Variants in KCNIP2 observed in about 807,000 individuals in gnomAD.
KCNIP2 encodes the protein A-type potassium channel modulatory protein KCNIP2.
A neutral mutation model predicts 39.0 loss-of-function variants in KCNIP2; 19 were observed. The ratio of observed to expected loss-of-function variants is 0.49; its 90% CI spans 0.34 to 0.71. The LOEUF is 0.71. KCNIP2 is among the 30% of genes least tolerant of loss of function. The pLI, the probability that KCNIP2 is intolerant of heterozygous loss-of-function variation, is 0.01. For synonymous variants in KCNIP2, 111 were observed against 131.2 expected (o/e 0.85, Z 1.05); for missense variants, 261 against 346.0 (o/e 0.75, Z 1.95).
chr10:101,832,086 G>GC (rs2066007889), intron 1 of KCNIP2, among the ~76,000 whole-genome samples: 4 of 152,168 alleles, frequency 2.6e-5, no homozygotes, highest in African/African-American at 9.7e-5. Context: ...CTAAACTGTG[G>GC]CCCCTTCACA....
intron 2 of KCNIP2, among the ~76,000 whole-genome samples, 162 bp downstream of exon 2, chr10:101,830,910 G>A (rs547731886): frequency 4.3e-5 from 6 of 138,440 alleles, no homozygotes; most frequent in Non-Finnish European, 6.2e-5. Flanking sequence ...GCCTGGGGCA[G>A]GCCCCACCCC....
chr10:101,827,599 G>A lies in KCNIP2; in HGVS notation c.765+90C>T, dbSNP rs2065784488. 2.8e-6 allele frequency: 4 copies of A among 1,448,684 alleles called. No individual in the cohort carries two copies. In the African/African-American group the frequency reaches 5.6e-5, roughly 20 times the overall value. The allele number at this position is 1,448,684 out of a possible 1,614,324, so 89.7% of individuals were successfully genotyped here. Reference sequence around the variant, plus strand: ...TTGAAATATGGGGGTGAGGTGGGAAGGTGGTATTCTTCCCAAAGAAGCTTT... The same window carrying A: ...TTGAAATATGGGGGTGAGGTGGGAAAGTGGTATTCTTCCCAAAGAAGCTTT... On this transcript the variant is annotated intron_variant, in intron 9 of 9. Coordinates refer to ENST00000356640, the MANE Select transcript of KCNIP2 (RefSeq NM_173191.3).
At chr10:101,840,393 G>A (rs2066294502) in intron 1 of KCNIP2, among the ~76,000 whole-genome samples, 1 of 151,988 alleles carries the variant, frequency 6.6e-6, no homozygotes, top group South Asian at 2.1e-4. Flanking sequence ...TGGCAAAGAA[G>A]AGGCAGCAGA....
chr10:101,843,731 C>T lies in KCNIP2; in HGVS notation c.-163G>A, dbSNP rs964900741. Reference sequence around the variant, plus strand: ...ATGGGCCCGGGGTCTGAGGTCTACCCGGAGGTCCTGGAGCAGGAGAGGGAA... The same window carrying T: ...ATGGGCCCGGGGTCTGAGGTCTACCTGGAGGTCCTGGAGCAGGAGAGGGAA... On this transcript the variant is annotated 5_prime_UTR_variant, in exon 1 of 10. Transcript: ENST00000356640. The surrounding 1 kb of genome is among the most constrained non-coding windows in gnomAD (Gnocchi z 6.7). 17 of 421,496 alleles carry T rather than the reference C, an allele frequency of 4.0e-5. No individual in the cohort carries two copies. Among genetic ancestry groups the T allele is most frequent in the African/African-American group, 3.5e-4 (17 of 48,176 alleles). The allele number at this position is 421,496 out of a possible 1,614,324, so 26.1% of individuals were successfully genotyped here. A position where few individuals can be genotyped will look rare whatever the true frequency, so the allele number is the denominator to read the frequency against.
At chr10:101,840,572 G>A (rs1297792647) in intron 1 of KCNIP2, among the ~76,000 whole-genome samples, 3 of 45,136 alleles carry the variant, frequency 6.6e-5, no homozygotes, top group Non-Finnish European at 1.3e-4. Context: ...CTTCGGTCCC[G>A]CTGCGCCCCT....
chr10:101,830,220 T>A (rs551534018), intron 2 of KCNIP2, among the ~76,000 whole-genome samples: 4 of 152,226 alleles, frequency 2.6e-5, no homozygotes, highest in East Asian at 3.9e-4. Flanking sequence ...AATGGAGACC[T>A]AGAGACAAAG....
intron 1 of KCNIP2, among the ~76,000 whole-genome samples, chr10:101,841,518 G>A (rs1055997779): frequency 3.3e-5 from 5 of 152,180 alleles, no homozygotes; most frequent in Admixed American, 3.3e-4. Context: ...TTTCCAAGTC[G>A]TGTGTGGAGC....
At chr10:101,830,749 G>A (rs2065952408) in intron 2 of KCNIP2, among the ~76,000 whole-genome samples, 1 of 133,972 alleles carries the variant, frequency 7.5e-6, no homozygotes, top group African/African-American at 2.9e-5. Context: ...CCACACGCAG[G>A]CGTGCGGCAC....
At chr10:101,832,296 C>CTG (rs57005983) in intron 1 of KCNIP2, among the ~76,000 whole-genome samples, 9,342 of 139,912 alleles carry the variant, frequency 0.067, 333 homozygotes, top group South Asian at 0.081. Flanking sequence ...CTCAGTGTTA[C>CTG]TGTGTGTGTG....
chr10:101,828,982 T>C lies in KCNIP2; in HGVS notation c.348+93A>G, dbSNP rs2065858396. ...GCCTTGCCTCCCTTCCGCCCACACC[T>C]CAAGCATCCAAGCCATGCTTTCTGG... On this transcript the variant is annotated intron_variant, in intron 4 of 9. Transcript: ENST00000356640. The surrounding 1 kb of genome is among the most constrained non-coding windows in gnomAD (Gnocchi z 6.6). 1.5e-5 allele frequency: 23 copies of C among 1,558,804 alleles called. No individual in the cohort carries two copies. The South Asian group carries it at 2.8e-4, about 19-fold the overall frequency.
intron 1 of KCNIP2, 57 bp from the exon 2 acceptor site, chr10:101,831,224 C>A: frequency 7.8e-7 from 1 of 1,277,952 alleles, no homozygotes; most frequent in South Asian, 1.4e-5. Context: ...CCTCTGTTCC[C>A]TGTCCCCTCC....
In KCNIP2 at chr10:101,843,691, A is replaced by C; in HGVS notation, c.-123T>G. 1 of 493,434 alleles carries C rather than the reference A, an allele frequency of 2.0e-6. No homozygotes were observed. The highest frequency in any genetic ancestry group is 3.5e-6 in the Non-Finnish European group (1 of 286,178). 30.6% of individuals were successfully genotyped at this position (493,434 alleles called of 1,614,324 possible). A position where few individuals can be genotyped will look rare whatever the true frequency, so the allele number is the denominator to read the frequency against. On this transcript the variant is annotated 5_prime_UTR_variant, in exon 1 of 10. Coordinates refer to ENST00000356640, the MANE Select transcript of KCNIP2 (RefSeq NM_173191.3). The surrounding 1 kb of genome is among the most constrained non-coding windows in gnomAD (Gnocchi z 6.7). The stretch of plus-strand genomic sequence containing the variant: ...GTCGGGGCTGGGGAAGTCCGGGCTG[A>C]GGCTGAGTCTGGGAATGGGCCCGGG...
In KCNIP2 at chr10:101,840,201, C is replaced by T. The variant is rs370170548; in HGVS notation, c.73+3295G>A. Among the ~76,000 whole-genome samples the T allele has an allele frequency of 7.2e-5, 11 of 152,006 alleles. No individual in the cohort carries two copies. In the South Asian group the frequency reaches 2.3e-3, roughly 32 times the overall value. ...GGGAATGAACCGTATCTTTTATTGC[C>T]CCCTTTCAGCCCCCCTTTCTCCGCC... On this transcript the variant is annotated intron_variant, in intron 1 of 9. Coordinates refer to ENST00000356640, the MANE Select transcript of KCNIP2 (RefSeq NM_173191.3).
At chr10:101,827,426 G>T (rs1270368589) in intron 9 of KCNIP2, 26 bp from the exon 10 acceptor site, 2 of 1,594,206 alleles carry the variant, frequency 1.3e-6, no homozygotes. Context: ...GAGCGAGGCA[G>T]ATTGAAGAGA....
At chr10:101,832,764 C>A (rs1295460949) in intron 1 of KCNIP2, among the ~76,000 whole-genome samples, 1 of 152,182 alleles carries the variant, frequency 6.6e-6, no homozygotes, top group Non-Finnish European at 1.5e-5. Context: ...TCCTGCCCCC[C>A]ACCCCAGCCC....
intron 9 of KCNIP2, 58 bp downstream of exon 9, chr10:101,827,631 C>T: frequency 6.3e-7 from 1 of 1,588,276 alleles, no homozygotes; most frequent in Non-Finnish European, 8.6e-7. Flanking sequence ...CTTTTCCCTG[C>T]ATTACTAAAT....
chr10:101,828,268 A>T lies in KCNIP2; in HGVS notation c.490-10T>A. 6.2e-7 allele frequency: 1 copy of T among 1,613,644 alleles called. No individual in the cohort carries two copies. Among genetic ancestry groups the T allele is most frequent in the South Asian group, 1.1e-5 (1 of 91,072 alleles). On this transcript the variant is annotated splice_polypyrimidine_tract_variant and intron_variant, in intron 6 of 9. Coordinates refer to ENST00000356640, the MANE Select transcript of KCNIP2 (RefSeq NM_173191.3). The surrounding 1 kb of genome is among the most constrained non-coding windows in gnomAD (Gnocchi z 6.6). ...AACCAGCCACAAAGTCCTGGGAAGG[A>T]GGCAGGAGGGAGCTGTGTCCTCGGG... is the stretch of plus-strand genomic sequence containing the variant.
rs146587125 is a variant in KCNIP2 at position 101,835,427 on chromosome 10, G to C, written c.74-4260C>G. Among the ~76,000 whole-genome samples the C allele has an allele frequency of 2.6e-5, 4 of 152,216 alleles. No individual in the cohort carries two copies. In the East Asian group the frequency reaches 7.7e-4, roughly 29 times the overall value. On this transcript the variant is annotated intron_variant, in intron 1 of 9. Coordinates refer to ENST00000356640, the MANE Select transcript of KCNIP2 (RefSeq NM_173191.3). Reference sequence around the variant, plus strand: ...GAGGGGACTTACTGCAGCTGCCTTTGGGGTCAAGAAACCCAAGCTTCTTGG... The same window carrying C: ...GAGGGGACTTACTGCAGCTGCCTTTCGGGTCAAGAAACCCAAGCTTCTTGG...
At position 101,827,294 on chromosome 10, in the gene KCNIP2, G is replaced by T; in HGVS notation, c.*59C>A. Reference sequence around the variant, plus strand: ...ACCTGGGAAGAGAAGGGTGAGGTCCGCCTGGACTAGGGTTAGAGCATGGTC... The same window carrying T: ...ACCTGGGAAGAGAAGGGTGAGGTCCTCCTGGACTAGGGTTAGAGCATGGTC... On this transcript the variant is annotated 3_prime_UTR_variant, in exon 10 of 10. Coordinates refer to ENST00000356640, the MANE Select transcript of KCNIP2 (RefSeq NM_173191.3). The T allele has an allele frequency of 6.5e-7, 1 of 1,532,246 alleles. No individual in the cohort carries two copies. Among genetic ancestry groups the T allele is most frequent in the Non-Finnish European group, 8.8e-7 (1 of 1,135,286 alleles). 94.9% of individuals were successfully genotyped at this position (1,532,246 alleles called of 1,614,324 possible). A position where few individuals can be genotyped will look rare whatever the true frequency, so the allele number is the denominator to read the frequency against.
Sources: gnomAD v4.1 joint callset for allele counts (sites outside exome capture counted in the v4.1 genomes callset) on GRCh38, gnomAD v4.1.1 for gene constraint, Gnocchi (gnomAD v3.1) non-coding constraint, MANE v1.5 for transcripts, NCBI Gene and HGNC (gene_info 2026-07-23, HGNC 2026-07-21) for gene names.